The following CARM1 variants were observed in gnomAD, a reference collection of about 807,000 sequenced individuals.
The protein encoded by CARM1 is coactivator associated arginine methyltransferase 1.
A neutral mutation model predicts 72.7 loss-of-function variants in CARM1; 14 were observed. That is an observed-to-expected ratio of 0.19 (90% CI 0.13 to 0.30). CARM1 has a LOEUF of 0.30. CARM1 is among the 10% of genes least tolerant of loss of function. The pLI is 1.00. For synonymous variants in CARM1, 333 were observed against 345.5 expected (o/e 0.96, Z 0.40); for missense variants, 432 against 833.7 (o/e 0.52, Z 5.93).
At chr19:10,887,486 G>A (rs1170941650) in intron 1 of CARM1, among the ~76,000 whole-genome samples, 4 of 152,228 alleles carry the variant, frequency 2.6e-5, no homozygotes, top group African/African-American at 9.6e-5. Context: ...CCTTGGTGGG[G>A]CCAGAAGGGC....
At chr19:10,914,399 G>T (rs558986340) in intron 6 of CARM1, among the ~76,000 whole-genome samples, 1 of 152,322 alleles carries the variant, frequency 6.6e-6, no homozygotes, top group South Asian at 2.1e-4. Flanking sequence ...AACAAGCCCT[G>T]CTCTCCTCAC....
chr19:10,913,345 G>A (rs999994057), intron 5 of CARM1, among the ~76,000 whole-genome samples: 1 of 152,096 alleles, frequency 6.6e-6, no homozygotes, highest in African/African-American at 2.4e-5. Context: ...GATCACCTGA[G>A]GTCAAGAGTT....
chr19:10,916,684 G>T lies in CARM1; in HGVS notation c.939-12G>T. On this transcript the variant is annotated splice_polypyrimidine_tract_variant and intron_variant, in intron 7 of 15. Coordinates refer to ENST00000327064, the MANE Select transcript of CARM1 (RefSeq NM_199141.2). The surrounding 1 kb of genome is among the most constrained non-coding windows in gnomAD (Gnocchi z 4.4). The stretch of plus-strand genomic sequence containing the variant: ...GCCCTGACCTTGCTGTGGGGGTGGG[G>T]CCTGTCCACAGGTACCAGCCATCTT... 6.4e-7 allele frequency: 1 copy of T among 1,568,660 alleles called. No homozygotes were observed. The highest frequency in any genetic ancestry group is 8.6e-7 in the Non-Finnish European group (1 of 1,156,330).
intron 1 of CARM1, among the ~76,000 whole-genome samples, chr19:10,883,641 A>G (rs554926446): frequency 1.3e-5 from 2 of 152,276 alleles, no homozygotes; most frequent in South Asian, 4.1e-4. Flanking sequence ...TTAGCCTTGA[A>G]ATCCTGGGCT....
Position 10,921,103 on chromosome 19 carries a change from G to C in CARM1, c.1591G>C (p.Gly531Arg). 2.5e-6 allele frequency: 4 copies of C among 1,614,102 alleles called. No homozygotes were observed. The highest frequency in any genetic ancestry group is 1.3e-5 in the African/African-American group (1 of 75,070). ...SSVIASGSSVGHNNLIPLANT... is the reference protein window; with the variant it reads ...SSVIASGSSVRHNNLIPLANT... ...TGTTATTGCCAGTGGCTCCAGCGTG[G>C]GCCACAACAACCTGATTCCTTTAGG... Residue 531 changes from glycine (G) to arginine (R), a missense_variant, in exon 14 of 16, where the codon GGC becomes CGC. Coordinates refer to ENST00000327064, the MANE Select transcript of CARM1 (RefSeq NM_199141.2).
rs1341464170 is a variant in CARM1 at position 10,915,519 on chromosome 19, C to T, written c.848-888C>T. Among the ~76,000 whole-genome samples, 4 of 152,114 alleles carry T rather than the reference C, an allele frequency of 2.6e-5. No individual in the cohort carries two copies. The highest frequency in any genetic ancestry group is 9.7e-5 in the African/African-American group (4 of 41,428). On this transcript the variant is annotated intron_variant, in intron 6 of 15. Transcript: ENST00000327064. This position sits in a 1 kb window ranked among gnomAD's most constrained non-coding sequence, Gnocchi z 4.6. The stretch of plus-strand genomic sequence containing the variant: ...TCTGGTCAGCAGGAGCCAGAGGTTC[C>T]TTCCAGGCTGGGTCACTTCCCATGG...
chr19:10,880,342 G>T (rs970707732), intron 1 of CARM1, among the ~76,000 whole-genome samples: 3 of 151,902 alleles, frequency 2.0e-5, no homozygotes, highest in Non-Finnish European at 4.4e-5. Flanking sequence ...TCAGAGCTAG[G>T]ATTTTTTTTT....
intron 2 of CARM1, among the ~76,000 whole-genome samples, chr19:10,906,835 C>T (rs960922949): frequency 2.0e-4 from 30 of 150,058 alleles, no homozygotes; most frequent in Non-Finnish European, 2.4e-4. Context: ...AATTTAGTGG[C>T]TATTATTCTA....
chr19:10,919,517 T>G, intron 8 of CARM1, 78 bp from the exon 9 acceptor site: 1 of 1,056,830 alleles, frequency 9.5e-7, no homozygotes, highest in Non-Finnish European at 1.4e-6. Context: ...TGGGCAGACC[T>G]GGGGGAAGGG....
intron 1 of CARM1, among the ~76,000 whole-genome samples, chr19:10,885,217 A>T (rs902645155): frequency 2.0e-5 from 3 of 152,140 alleles, no homozygotes; most frequent in Non-Finnish European, 4.4e-5. Flanking sequence ...CAGGCGGGGC[A>T]TTCTTGTAAA....
intron 8 of CARM1, among the ~76,000 whole-genome samples, chr19:10,918,511 C>G (rs932305086): frequency 1.3e-5 from 2 of 152,240 alleles, no homozygotes; most frequent in Non-Finnish European, 2.9e-5. Flanking sequence ...GCATAAGCCA[C>G]TGCACCTGGC....
chr19:10,921,408 G>T lies in CARM1; in HGVS notation c.1649G>T (p.Arg550Leu). 6.2e-7 allele frequency: 1 copy of T among 1,610,174 alleles called. No individual in the cohort carries two copies. The highest frequency in any genetic ancestry group is 1.7e-5 in the Admixed American group (1 of 58,440). The change falls in exon 15 of 16, where the codon CGG (arginine) becomes CTG (leucine). Residue 550 changes from arginine to leucine, a missense_variant. Arg to Leu is a moderately radical substitution (Grantham distance 102, BLOSUM62 -2). Around this residue, in one of 3 missense-constraint regions of CARM1, gnomAD observed 142 missense variants for 188.7 expected, o/e 0.75. Coordinates refer to ENST00000327064, the MANE Select transcript of CARM1 (RefSeq NM_199141.2). ...GGGATTGTCAATCACACCCACTCCC[G>T]GATGGGCTCCATAATGAGCACGGGG... Reference protein sequence around the residue: ...NTGIVNHTHSRMGSIMSTGIV... With the variant: ...NTGIVNHTHSLMGSIMSTGIV...
At chr19:10,891,474 T>C (rs528048180) in intron 1 of CARM1, among the ~76,000 whole-genome samples, 70 of 152,128 alleles carry the variant, frequency 4.6e-4, no homozygotes, top group Middle Eastern at 6.8e-3. Flanking sequence ...CTGAGGGCCG[T>C]GGGGTGGGTG....
At chr19:10,904,616 G>A (rs551797166) in intron 1 of CARM1, among the ~76,000 whole-genome samples, 1 of 152,320 alleles carries the variant, frequency 6.6e-6, no homozygotes, top group Admixed American at 6.5e-5. Flanking sequence ...GGGCTCAGCC[G>A]AGCAGGGCAG....
chr19:10,891,333 G>A (rs2073986400), intron 1 of CARM1, among the ~76,000 whole-genome samples: 1 of 152,142 alleles, frequency 6.6e-6, no homozygotes, highest in African/African-American at 2.4e-5. Context: ...TCCCTTGCTT[G>A]CAGGTGGCAG....
intron 5 of CARM1, among the ~76,000 whole-genome samples, chr19:10,913,487 G>A (rs184748859): frequency 7.6e-4 from 116 of 151,910 alleles, no homozygotes; most frequent in Middle Eastern, 6.8e-3. Context: ...GCAGTGAGCC[G>A]AGATGGCGCC....
At chr19:10,884,403 C>G (rs916395863) in intron 1 of CARM1, among the ~76,000 whole-genome samples, 2 of 151,778 alleles carry the variant, frequency 1.3e-5, no homozygotes, top group Non-Finnish European at 2.9e-5. Flanking sequence ...CCAGGCCGGT[C>G]TCAAACTCCT....
chr19:10,920,603 T>A lies in CARM1; in HGVS notation c.1334+30T>A, dbSNP rs751603820. 6.2e-7 allele frequency: 1 copy of A among 1,613,790 alleles called. No homozygotes were observed. Among genetic ancestry groups the A allele is most frequent in the South Asian group, 1.1e-5 (1 of 91,092 alleles). On this transcript the variant is annotated intron_variant, in intron 11 of 15. Coordinates refer to ENST00000327064, the MANE Select transcript of CARM1 (RefSeq NM_199141.2). The surrounding 1 kb of genome is among the most constrained non-coding windows in gnomAD (Gnocchi z 5.3). ...GACTGCTCCCTGGGGCTGGTGGTGG[T>A]GGGCAGGGGTCCATCTGCCCAGCAG...
intron 1 of CARM1, among the ~76,000 whole-genome samples, chr19:10,877,383 G>A (rs574089895): frequency 3.2e-4 from 49 of 152,240 alleles, no homozygotes; most frequent in South Asian, 2.1e-3. Flanking sequence ...TATAAATTAG[G>A]CCTATGGGCC....
Sources: allele counts gnomAD v4.1 joint callset (sites outside exome capture counted in the v4.1 genomes callset), GRCh38; gene constraint gnomAD v4.1.1; regional missense constraint gnomAD v4.1.1; non-coding constraint Gnocchi (gnomAD v3.1); transcripts MANE v1.5; gene names NCBI Gene and HGNC (gene_info 2026-07-23, HGNC 2026-07-21).